LYRM9: variants seen among roughly 807,000 people sequenced by gnomAD.
The protein encoded by LYRM9 is LYR motif containing 9.
LYRM9 carries 14 observed loss-of-function variants against 12.6 expected under a neutral mutation model. That is an observed-to-expected ratio of 1.11 (90% CI 0.73 to 1.73). LYRM9 has a LOEUF of 1.73. LYRM9 is among the 40% of genes most tolerant of loss of function. LYRM9 has a pLI of 0.00. For synonymous variants in LYRM9, 42 were observed against 35.1 expected, an observed-to-expected ratio of 1.20 and a Z score of -0.69; for missense variants, 94 against 95.0, an observed-to-expected ratio of 0.99 and a Z score of 0.04.
Position 27,879,427 on chromosome 17 carries a change from G to T in LYRM9, c.*46C>A, listed in dbSNP as rs1289403910. ...CTGCTGCTGCTGAGCTCCAGAAGAG[G>T]GGCCTCTCAACTTCCAGAGGCCAGG... is the stretch of plus-strand genomic sequence containing the variant. On this transcript the variant is annotated 3_prime_UTR_variant, in exon 4 of 4. Coordinates refer to ENST00000379102, the MANE Select transcript of LYRM9 (RefSeq NM_001076680.3). 1.3e-6 allele frequency: 2 copies of T among 1,542,348 alleles called. No individual in the cohort carries two copies. The highest frequency in any genetic ancestry group is 1.8e-6 in the Non-Finnish European group (2 of 1,142,330).
At position 27,880,084 on chromosome 17, in the gene LYRM9, C is replaced by CAGAATATAA. The variant is rs774820361; in HGVS notation, c.219+181_219+189dup. The CAGAATATAA allele has an allele frequency of 7.2e-5, 51 of 704,086 alleles. 1 individual carries two copies. Among genetic ancestry groups the CAGAATATAA allele is most frequent in the Admixed American group, 5.1e-4 (25 of 49,142 alleles). 43.6% of individuals were successfully genotyped at this position (704,086 alleles called of 1,614,324 possible). On this transcript the variant is annotated intron_variant, in intron 3 of 3. Transcript: ENST00000379102. ...AAGAGTGAGAGCCCCTCCCCACTTG[C>CAGAATATAA]AGAATATAAATGCAACCAGAAGGGA...
In LYRM9 at chr17:27,888,677, T is replaced by C. The variant is rs568404956; in HGVS notation, c.-19+4640A>G. Among the ~76,000 whole-genome samples, 52 of 152,324 alleles carry C rather than the reference T, an allele frequency of 3.4e-4. No individual in the cohort carries two copies. The South Asian group carries it at 9.9e-3, about 29-fold the overall frequency. On this transcript the variant is annotated intron_variant, in intron 1 of 3. Transcript: ENST00000379102. Reference sequence around the variant, plus strand: ...GCAGAATGTTCAGATCACGTTTAGATGGTAGGCATTAAGGGTGAACACCAT... The same window carrying C: ...GCAGAATGTTCAGATCACGTTTAGACGGTAGGCATTAAGGGTGAACACCAT...
chr17:27,884,892 C>T (rs1009002461), intron 1 of LYRM9, among the ~76,000 whole-genome samples: 2 of 152,062 alleles, frequency 1.3e-5, no homozygotes, highest in Non-Finnish European at 2.9e-5. Context: ...TATCAGATGC[C>T]CTTAAACTAA....
intron 1 of LYRM9, among the ~76,000 whole-genome samples, chr17:27,884,165 C>A (rs1344521940): frequency 1.3e-5 from 2 of 152,148 alleles, no homozygotes; most frequent in East Asian, 3.8e-4. Context: ...TTAACACTCT[C>A]TCTAAAGAAC....
At chr17:27,887,716 GT>G (rs1567665210) in intron 1 of LYRM9, among the ~76,000 whole-genome samples, 3,285 of 115,722 alleles carry the variant, frequency 0.028, 39 homozygotes, top group Middle Eastern at 0.04. Context: ...GAGGGAGGGT[GT>G]GTGTGTGTGT....
intron 1 of LYRM9, chr17:27,892,377 C>G (rs1348657840): frequency 2.2e-6 from 1 of 454,668 alleles, no homozygotes; most frequent in Non-Finnish European, 4.4e-6. Flanking sequence ...GGTTATTAGT[C>G]ACTCCTCCAC....
intron 1 of LYRM9, chr17:27,891,910 C>T (rs1002204034): frequency 6.8e-6 from 1 of 146,584 alleles, no homozygotes; most frequent in African/African-American, 2.5e-5. Context: ...GCTGGCACAT[C>T]TTAAGTGCTT....
chr17:27,882,839 T>A, intron 1 of LYRM9, 127 bp from the exon 2 acceptor site: 2 of 1,053,980 alleles, frequency 1.9e-6, no homozygotes, highest in Non-Finnish European at 2.8e-6. Flanking sequence ...TCCCATCCCA[T>A]GGAGCCTGCA....
Position 27,882,696 on chromosome 17 carries a change from C to A in LYRM9, c.-2G>T. ...TTCTGCTCCTGGCAGCGGGGCCATCCGTGAGACCCTCTGTCCCTGGAAAAC... is the reference window on the plus strand; with the variant it reads ...TTCTGCTCCTGGCAGCGGGGCCATCAGTGAGACCCTCTGTCCCTGGAAAAC... On this transcript the variant is annotated 5_prime_UTR_variant, in exon 2 of 4. Coordinates refer to ENST00000379102, the MANE Select transcript of LYRM9 (RefSeq NM_001076680.3). 1 of 1,598,480 alleles carries A rather than the reference C, an allele frequency of 6.3e-7. No homozygotes were observed. The highest frequency in any genetic ancestry group is 2.3e-5 in the East Asian group (1 of 44,270).
intron 1 of LYRM9, chr17:27,892,130 A>G (rs1039545380): frequency 7.2e-5 from 13 of 181,538 alleles, no homozygotes; most frequent in African/African-American, 2.2e-4. Context: ...AAGTCTTACT[A>G]TGTTGCCCAG....
At chr17:27,885,758 T>C (rs551921991) in intron 1 of LYRM9, among the ~76,000 whole-genome samples, 2 of 148,274 alleles carry the variant, frequency 1.3e-5, no homozygotes, top group South Asian at 4.3e-4. Flanking sequence ...ACCATCTACC[T>C]GAAGGAAGTC....
rs1161435950 is a variant in LYRM9, at chr17:27,879,319, C to A, written c.*154G>T. Reference sequence around the variant, plus strand: ...AAGGATGCTAGCAACATGGCCGCGGCAAGAGGAGCCTCTGGAGCAAGGTCA... The same window carrying A: ...AAGGATGCTAGCAACATGGCCGCGGAAAGAGGAGCCTCTGGAGCAAGGTCA... On this transcript the variant is annotated 3_prime_UTR_variant, in exon 4 of 4. Coordinates refer to ENST00000379102, the MANE Select transcript of LYRM9 (RefSeq NM_001076680.3). 7.2e-6 allele frequency: 5 copies of A among 694,290 alleles called. No homozygotes were observed. The highest frequency in any genetic ancestry group is 1.1e-5 in the Non-Finnish European group (5 of 453,682). The allele number at this position is 694,290 out of a possible 1,614,324, so 43.0% of individuals were successfully genotyped here.
rs11319281 is a variant in LYRM9, at chr17:27,886,653, A to AT, written c.-18-3942dup. Among the ~76,000 whole-genome samples the AT allele has an allele frequency of 2.4e-3, 337 of 141,560 alleles. 4 individuals carry two copies. The East Asian group carries it at 0.054, about 23-fold the overall frequency. 92.9% of individuals were successfully genotyped at this position (141,560 alleles called of 152,430 possible). ...TTTCTTTCTTTTCTTTTCTTTTTTT[A>AT]TTTTTTTTTTTTTGAGACAGAGTTT... On this transcript the variant is annotated intron_variant, in intron 1 of 3. Transcript: ENST00000379102. This position sits in a 1 kb window ranked among gnomAD's most constrained non-coding sequence, Gnocchi z 4.8.
intron 1 of LYRM9, among the ~76,000 whole-genome samples, chr17:27,887,037 T>C (rs1905253104): frequency 6.6e-6 from 1 of 152,196 alleles, no homozygotes; most frequent in South Asian, 2.1e-4. Context: ...ATACCCTTGG[T>C]TCAGACTCTC....
intron 2 of LYRM9, among the ~76,000 whole-genome samples, chr17:27,881,642 G>C (rs1429576610): frequency 6.6e-6 from 1 of 152,116 alleles, no homozygotes; most frequent in Non-Finnish European, 1.5e-5. Flanking sequence ...GCATTTAAGA[G>C]TAAGTTGCAG....
rs945469292 is a variant in LYRM9, at chr17:27,893,343, G to C, written c.-45C>G. On this transcript the variant is annotated 5_prime_UTR_variant, in exon 1 of 4. Transcript: ENST00000379102. ...AGCCTCCAGGGGAACGCCAGCCCCG[G>C]ACGCCGCCGCGGCGACGAGTGCGCC... 2.6e-5 allele frequency: 4 copies of C among 152,092 alleles called. No individual in the cohort carries two copies. The highest frequency in any genetic ancestry group is 9.7e-5 in the African/African-American group (4 of 41,400). The allele number at this position is 152,092 out of a possible 1,614,324, so 9.4% of individuals were successfully genotyped here.
chr17:27,885,809 C>T (rs954459379), intron 1 of LYRM9, among the ~76,000 whole-genome samples: 1 of 151,970 alleles, frequency 6.6e-6, no homozygotes, highest in African/African-American at 2.4e-5. Flanking sequence ...AATTAATCCC[C>T]TTTCACCAAA....
At chr17:27,880,080 C>A in intron 3 of LYRM9, 194 bp downstream of exon 3, 1 of 703,524 alleles carries the variant, frequency 1.4e-6, no homozygotes. Context: ...CCCCTCCCCA[C>A]TTGCAGAATA....
intron 3 of LYRM9, chr17:27,879,966 G>GC: frequency 1.6e-6 from 1 of 624,726 alleles, no homozygotes; most frequent in Non-Finnish European, 2.9e-6. Context: ...CAGTGCCACC[G>GC]CCGGCTCTGG....
Sources: gnomAD v4.1 joint callset for allele counts (sites outside exome capture counted in the v4.1 genomes callset) on GRCh38, gnomAD v4.1.1 for gene constraint, Gnocchi (gnomAD v3.1) non-coding constraint, MANE v1.5 for transcripts, NCBI Gene and HGNC (gene_info 2026-07-23, HGNC 2026-07-21) for gene names.